ARMH4: variants seen among roughly 807,000 people sequenced by gnomAD.
ARMH4 encodes the protein armadillo-like helical domain-containing protein 4.
A neutral mutation model predicts 61.9 loss-of-function variants in ARMH4; 49 were observed. That is an observed-to-expected ratio of 0.79 (90% CI 0.63 to 1.00). ARMH4 has a LOEUF of 1.00. Ranked by LOEUF, ARMH4 falls within the 50% of genes least tolerant of loss-of-function variation. ARMH4 has a pLI of 0.00. For synonymous variants in ARMH4, 368 were observed against 341.5 expected (o/e 1.08, Z -0.85); for missense variants, 934 against 930.0 (o/e 1.00, Z -0.06).
chr14:58,062,223 C>T (rs1315332114), intron 5 of ARMH4, among the ~76,000 whole-genome samples: 1 of 152,110 alleles, frequency 6.6e-6, no homozygotes. Flanking sequence ...TGCCTGTAGT[C>T]CCAGCTACTT....
At chr14:58,006,928 A>AAATT (rs201639780) in intron 6 of ARMH4, among the ~76,000 whole-genome samples, 19 of 142,448 alleles carry the variant, frequency 1.3e-4, no homozygotes, top group African/African-American at 4.7e-4. Context: ...ATAAATAAAT[A>AAATT]AATTAATTAA....
Position 58,096,870 on chromosome 14 carries a change from T to C in ARMH4, c.1943A>G (p.Asp648Gly), listed in dbSNP as rs1293347007. The change falls in exon 5 of 8, where the codon GAT (aspartate) becomes GGT (glycine). Residue 648 changes from aspartate (D) to glycine (G), a missense_variant. Transcript: ENST00000267485. ...KDADSLDEGLDGDTELPGFTL... is the reference protein window; with the variant it reads ...KDADSLDEGLGGDTELPGFTL... ...AAAACCTGGCAGCTCAGTGTCACCATCCAAGCCCTCATCCAGCGAGTCTGC... is the reference window on the plus strand; with the variant it reads ...AAAACCTGGCAGCTCAGTGTCACCACCCAAGCCCTCATCCAGCGAGTCTGC... The C allele has an allele frequency of 1.2e-6, 2 of 1,614,120 alleles. No homozygotes were observed. The highest frequency in any genetic ancestry group is 8.5e-7 in the Non-Finnish European group (1 of 1,180,018).
intron 5 of ARMH4, among the ~76,000 whole-genome samples, chr14:58,072,007 T>C (rs1884897636): frequency 6.6e-6 from 1 of 152,232 alleles, no homozygotes; most frequent in Admixed American, 6.5e-5. Flanking sequence ...TCAACTCAGT[T>C]TCCCTTGTTG....
At chr14:58,094,239 A>G (rs184695596) in intron 5 of ARMH4, among the ~76,000 whole-genome samples, 2 of 149,180 alleles carry the variant, frequency 1.3e-5, no homozygotes, top group African/African-American at 4.9e-5. Context: ...CTGAGGCAGG[A>G]GAATTGTTTG....
chr14:58,141,507 C>T, intron 1 of ARMH4: 1 of 538,414 alleles, frequency 1.9e-6, no homozygotes, highest in African/African-American at 1.9e-5. Context: ...TGCGAGGTGG[C>T]ATTACTGAGC....
At chr14:58,146,442 T>C (rs950362252) in intron 1 of ARMH4, among the ~76,000 whole-genome samples, 3 of 152,250 alleles carry the variant, frequency 2.0e-5, no homozygotes, top group African/African-American at 7.2e-5. Context: ...ATGTTGGATA[T>C]CAGCTTTGAA....
chr14:58,081,875 C>G (rs1241419273), intron 5 of ARMH4, among the ~76,000 whole-genome samples: 2 of 151,180 alleles, frequency 1.3e-5, no homozygotes, highest in Non-Finnish European at 2.9e-5. Flanking sequence ...GGATTTTTTT[C>G]TTTCTTAATA....
intron 4 of ARMH4, among the ~76,000 whole-genome samples, chr14:58,104,589 T>G (rs112654204): frequency 6.6e-6 from 1 of 152,248 alleles, no homozygotes; most frequent in African/African-American, 2.4e-5. Flanking sequence ...TTAAACATTT[T>G]TAGTTGTATG....
intron 5 of ARMH4, among the ~76,000 whole-genome samples, chr14:58,022,832 T>C (rs1335720628): frequency 6.6e-6 from 1 of 152,202 alleles, no homozygotes; most frequent in Admixed American, 6.5e-5. Context: ...ATATTGTAGG[T>C]TCAGTCCCAG....
At chr14:58,049,702 AC>A (rs1170014362) in intron 5 of ARMH4, among the ~76,000 whole-genome samples, 1 of 152,136 alleles carries the variant, frequency 6.6e-6, no homozygotes, top group Non-Finnish European at 1.5e-5. Flanking sequence ...GGTGGCTGTC[AC>A]AAAAAAAAAT....
intron 4 of ARMH4, among the ~76,000 whole-genome samples, chr14:58,104,878 T>C (rs944619427): frequency 8.5e-5 from 13 of 152,226 alleles, no homozygotes; most frequent in Non-Finnish European, 1.6e-4. Flanking sequence ...TGCGGTTTTT[T>C]AAACCCATAT....
chr14:58,006,657 T>A (rs77742731), intron 6 of ARMH4, among the ~76,000 whole-genome samples: 4,680 of 151,962 alleles, frequency 0.031, 90 homozygotes, highest in Middle Eastern at 0.075. Flanking sequence ...AGCCTAGACA[T>A]TTTTCAATAA....
At chr14:58,097,681 ATTT>A (rs34512372) in intron 4 of ARMH4, among the ~76,000 whole-genome samples, 15,265 of 144,448 alleles carry the variant, frequency 0.11, 1,295 homozygotes, top group African/African-American at 0.24. Flanking sequence ...CGTTTTCTTG[ATTT>A]TTTTTTTTTT....
At chr14:58,032,533 ATACT>A (rs1883284308) in intron 5 of ARMH4, among the ~76,000 whole-genome samples, 1 of 152,204 alleles carries the variant, frequency 6.6e-6, no homozygotes, top group Non-Finnish European at 1.5e-5. Context: ...ATTTAAAGAA[ATACT>A]TAGGGGAGGA....
intron 5 of ARMH4, among the ~76,000 whole-genome samples, chr14:58,024,871 A>G (rs1882968449): frequency 6.6e-6 from 1 of 152,146 alleles, no homozygotes; most frequent in South Asian, 2.1e-4. Context: ...AACACACACA[A>G]CATCTATCAA....
chr14:58,116,755 A>G (rs745665872), intron 4 of ARMH4, among the ~76,000 whole-genome samples: 26 of 152,228 alleles, frequency 1.7e-4, no homozygotes, highest in Non-Finnish European at 3.7e-4. Context: ...TGCTCTTGAC[A>G]ATGGCATTGC....
chr14:58,049,109 G>A (rs1164934624), intron 5 of ARMH4, among the ~76,000 whole-genome samples: 1 of 151,756 alleles, frequency 6.6e-6, no homozygotes, highest in Non-Finnish European at 1.5e-5. Flanking sequence ...CGTGGTGGCG[G>A]GCACCTGTAG....
intron 5 of ARMH4, among the ~76,000 whole-genome samples, chr14:58,088,657 T>C (rs1465384633): frequency 3.3e-5 from 5 of 152,208 alleles, no homozygotes; most frequent in Non-Finnish European, 5.9e-5. Flanking sequence ...CCACTCATCC[T>C]GGATACAGGT....
chr14:58,109,333 A>C (rs1157596253), intron 4 of ARMH4, among the ~76,000 whole-genome samples: 1 of 152,124 alleles, frequency 6.6e-6, no homozygotes, highest in Non-Finnish European at 1.5e-5. Flanking sequence ...GCTTCAATAT[A>C]GTTTTTTCTA....
Sources: allele counts gnomAD v4.1 joint callset (sites outside exome capture counted in the v4.1 genomes callset), GRCh38; gene constraint gnomAD v4.1.1; transcripts MANE v1.5; gene names NCBI Gene and HGNC (gene_info 2026-07-23, HGNC 2026-07-21).